The following GRIA2 variants were observed in gnomAD, a reference collection of about 807,000 sequenced individuals.
The protein encoded by GRIA2 is glutamate ionotropic receptor AMPA type subunit 2, also known as glutamate receptor 2.
In GRIA2, 14 loss-of-function variants were observed where a neutral mutation model predicts 97.3. The ratio of observed to expected loss-of-function variants is 0.14; its 90% confidence interval spans 0.10 to 0.23. The LOEUF is 0.23. GRIA2 is among the 10% of genes least tolerant of loss of function. GRIA2 has a pLI of 1.00. For synonymous variants in GRIA2, 412 were observed against 387.8 expected, an observed-to-expected ratio of 1.06 and a Z score of -0.73; for missense variants, 558 against 1,069.8, an observed-to-expected ratio of 0.52 and a Z score of 6.67.
chr4:157,252,245 C>T (rs1463597544), intron 2 of GRIA2, among the ~76,000 whole-genome samples: 1 of 152,086 alleles, frequency 6.6e-6, no homozygotes, highest in Non-Finnish European at 1.5e-5. Flanking sequence ...TCCACATGAT[C>T]ATATGGAACA....
intron 10 of GRIA2, among the ~76,000 whole-genome samples, chr4:157,336,087 T>C (rs1735271078): frequency 6.6e-6 from 1 of 152,004 alleles, no homozygotes; most frequent in South Asian, 2.1e-4. Context: ...ATTTCATCTC[T>C]CTTGAAGCAT....
At chr4:157,248,780 CTATATATATATATA>C (rs36210142) in intron 2 of GRIA2, among the ~76,000 whole-genome samples, 3,060 of 122,328 alleles carry the variant, frequency 0.025, 71 homozygotes, top group South Asian at 0.033. Context: ...CTTTCTTTCA[CTATATATATATATA>C]TATATATATA....
At chr4:157,299,689 A>G (rs1336790518) in intron 2 of GRIA2, among the ~76,000 whole-genome samples, 2 of 152,138 alleles carry the variant, frequency 1.3e-5, no homozygotes, top group African/African-American at 4.8e-5. Flanking sequence ...AAAAAGTGAA[A>G]TAATCAGCAA....
chr4:157,272,928 T>A (rs1164374513), intron 2 of GRIA2, among the ~76,000 whole-genome samples: 4 of 152,014 alleles, frequency 2.6e-5, no homozygotes, highest in Non-Finnish European at 1.5e-5. Flanking sequence ...AACACTTTCC[T>A]TTTCCCCACA....
chr4:157,303,299 T>C (rs1366435721), intron 2 of GRIA2, among the ~76,000 whole-genome samples: 1 of 152,204 alleles, frequency 6.6e-6, no homozygotes, highest in Non-Finnish European at 1.5e-5. Flanking sequence ...AATACTTACA[T>C]AGCTTGTTAA....
chr4:157,309,501 G>A (rs987864134), intron 3 of GRIA2, among the ~76,000 whole-genome samples: 1 of 151,990 alleles, frequency 6.6e-6, no homozygotes, highest in Non-Finnish European at 1.5e-5. Context: ...ACAGGCGCCT[G>A]CCACCAGGCC....
At chr4:157,280,678 G>A (rs1732554005) in intron 2 of GRIA2, among the ~76,000 whole-genome samples, 1 of 151,912 alleles carries the variant, frequency 6.6e-6, no homozygotes, top group Non-Finnish European at 1.5e-5. Flanking sequence ...CGACTTCACA[G>A]ACAGTCTTAG....
chr4:157,279,493 A>G (rs1225400110), intron 2 of GRIA2, among the ~76,000 whole-genome samples: 2 of 152,112 alleles, frequency 1.3e-5, no homozygotes, highest in Non-Finnish European at 2.9e-5. Context: ...GTTGGGTGAT[A>G]TTATGTTTCA....
chr4:157,305,469 A>G (rs947211964), intron 3 of GRIA2, among the ~76,000 whole-genome samples: 1 of 152,166 alleles, frequency 6.6e-6, no homozygotes, highest in Non-Finnish European at 1.5e-5. Context: ...AAATACTTCA[A>G]TAGCTTCTCA....
intron 2 of GRIA2, among the ~76,000 whole-genome samples, chr4:157,298,410 A>T (rs1579342479): frequency 6.6e-6 from 1 of 152,120 alleles, no homozygotes; most frequent in Non-Finnish European, 1.5e-5. Context: ...GAAGGTCATT[A>T]TTCTGAACTA....
rs536661568 is a variant in GRIA2, at chr4:157,236,277, A to C, written c.229+14470A>C. Among the ~76,000 whole-genome samples the C allele has an allele frequency of 6.6e-5, 10 of 152,164 alleles. No homozygotes were observed. In the East Asian group the frequency reaches 1.7e-3, roughly 26 times the overall value. On this transcript the variant is annotated intron_variant, in intron 2 of 15. Transcript: ENST00000264426. ...TATGGTAATTTAAAAAAAACACTACACACGGGGATATAATAAATATTGTCT... is the reference window on the plus strand; with the variant it reads ...TATGGTAATTTAAAAAAAACACTACCCACGGGGATATAATAAATATTGTCT...
intron 2 of GRIA2, among the ~76,000 whole-genome samples, chr4:157,246,255 A>G (rs1730727095): frequency 6.6e-6 from 1 of 152,126 alleles, no homozygotes; most frequent in Admixed American, 6.6e-5. Flanking sequence ...GATATTGGAC[A>G]GGCTAGTTAA....
In GRIA2 at chr4:157,364,615, A is replaced by G. The variant is rs149551305; in HGVS notation, c.*1184A>G. On this transcript the variant is annotated 3_prime_UTR_variant, in exon 16 of 16. Transcript: ENST00000264426. Reference sequence around the variant, plus strand: ...AAGTGTTTGAGCTTACAGAAGAGAAACATTCATTTTAAATGAAGTAAAAAA... The same window carrying G: ...AAGTGTTTGAGCTTACAGAAGAGAAGCATTCATTTTAAATGAAGTAAAAAA... The G allele has an allele frequency of 1.4e-4, 22 of 152,334 alleles. No homozygotes were observed. Among genetic ancestry groups the G allele is most frequent in the African/African-American group, 5.3e-4 (22 of 41,530 alleles). 9.4% of individuals were successfully genotyped at this position (152,334 alleles called of 1,614,324 possible). A position where few individuals can be genotyped will look rare whatever the true frequency, so the allele number is the denominator to read the frequency against.
chr4:157,256,299 T>A (rs1731270705), intron 2 of GRIA2, among the ~76,000 whole-genome samples: 1 of 139,756 alleles, frequency 7.2e-6, no homozygotes, highest in Non-Finnish European at 1.5e-5. Context: ...ATATTATATA[T>A]AATATTATAT....
At chr4:157,308,826 G>A (rs182831145) in intron 3 of GRIA2, among the ~76,000 whole-genome samples, 13 of 152,266 alleles carry the variant, frequency 8.5e-5, no homozygotes, top group African/African-American at 2.2e-4. Flanking sequence ...AAGAGGTCAA[G>A]AGCACAAATC....
chr4:157,328,580 A>T (rs1010443874), intron 6 of GRIA2, among the ~76,000 whole-genome samples: 1 of 152,046 alleles, frequency 6.6e-6, no homozygotes, highest in Non-Finnish European at 1.5e-5. Context: ...AAAATAAAAG[A>T]TCTGCTTCTA....
chr4:157,249,063 G>A (rs1468899163), intron 2 of GRIA2, among the ~76,000 whole-genome samples: 1 of 151,902 alleles, frequency 6.6e-6, no homozygotes, highest in Non-Finnish European at 1.5e-5. Flanking sequence ...TGGATCTCCT[G>A]GCCTCAAGTG....
intron 2 of GRIA2, among the ~76,000 whole-genome samples, chr4:157,256,491 T>C (rs1197079268): frequency 1.3e-5 from 2 of 151,192 alleles, no homozygotes; most frequent in East Asian, 3.9e-4. Flanking sequence ...TGTATTTTTC[T>C]AGTGAAATTA....
chr4:157,224,126 G>C (rs181976041), intron 2 of GRIA2, among the ~76,000 whole-genome samples: 1 of 152,086 alleles, frequency 6.6e-6, no homozygotes, highest in East Asian at 1.9e-4. Flanking sequence ...TGAGAAGCTG[G>C]AATAATCAAG....
Sources: gnomAD v4.1 joint callset for allele counts (sites outside exome capture counted in the v4.1 genomes callset) on GRCh38, gnomAD v4.1.1 for gene constraint, MANE v1.5 for transcripts, NCBI Gene and HGNC (gene_info 2026-07-23, HGNC 2026-07-21) for gene names.